Variants in GALNT10 observed in about 807,000 individuals in gnomAD.
GALNT10 encodes the protein polypeptide N-acetylgalactosaminyltransferase 10.
A neutral mutation model predicts 75.0 loss-of-function variants in GALNT10; 41 were observed. The ratio of observed to expected loss-of-function variants is 0.55; its 90% confidence interval spans 0.43 to 0.71. GALNT10 has a LOEUF of 0.71. Among genes scored for constraint, GALNT10 ranks in the 30% least tolerant of loss-of-function variants. GALNT10 has a pLI of 0.00. For synonymous variants in GALNT10, 302 were observed against 313.0 expected (o/e 0.96, Z 0.37); for missense variants, 727 against 818.5 (o/e 0.89, Z 1.36).
chr5:154,262,361 G>T (rs1016244133), intron 1 of GALNT10, among the ~76,000 whole-genome samples: 10 of 152,186 alleles, frequency 6.6e-5, no homozygotes, highest in Admixed American at 6.5e-5. Flanking sequence ...AGAAGCTGTA[G>T]AGTATTTAAT....
intron 1 of GALNT10, among the ~76,000 whole-genome samples, chr5:154,293,386 TG>T (rs1325571062): frequency 1.3e-5 from 2 of 152,158 alleles, no homozygotes; most frequent in African/African-American, 4.8e-5. Context: ...CAGCATTACC[TG>T]GGGAAGGCTC....
rs1192106045 is a variant in GALNT10, at chr5:154,219,836, T to TCA, written c.159+28812_159+28813insAC. Among the ~76,000 whole-genome samples, 294 of 134,286 alleles carry TCA rather than the reference T, an allele frequency of 2.2e-3. 1 individual carries two copies. The highest frequency in any genetic ancestry group is 6.4e-3 in the African/African-American group (216 of 33,746). 88.1% of individuals were successfully genotyped at this position (134,286 alleles called of 152,430 possible). Reference sequence around the variant, plus strand: ...CGCTCTCTCTCTCTCTCTCTCTCTCTCTCACACACACACACACACACACAC... The same window carrying TCA: ...CGCTCTCTCTCTCTCTCTCTCTCTCTCACTCACACACACACACACACACACAC... On this transcript the variant is annotated intron_variant, in intron 1 of 11. Transcript: ENST00000297107.
chr5:154,405,115 C>T (rs938433114), intron 8 of GALNT10, among the ~76,000 whole-genome samples: 1 of 152,188 alleles, frequency 6.6e-6, no homozygotes, highest in Non-Finnish European at 1.5e-5. Context: ...CCTGTGAGCC[C>T]CGCCCCGGCC....
chr5:154,309,199 T>A (rs1041705711), intron 3 of GALNT10, among the ~76,000 whole-genome samples: 1 of 152,128 alleles, frequency 6.6e-6, no homozygotes, highest in South Asian at 2.1e-4. Context: ...GGAAGAGCAC[T>A]GCAGGCAGAG....
chr5:154,297,829 C>A, intron 2 of GALNT10, 112 bp from the exon 3 acceptor site: 1 of 973,098 alleles, frequency 1.0e-6, no homozygotes, highest in Non-Finnish European at 1.6e-6. Flanking sequence ...TGCTCTATAT[C>A]CAAATCAAGT....
chr5:154,408,219 C>T (rs1247913578), intron 8 of GALNT10, among the ~76,000 whole-genome samples: 1 of 152,140 alleles, frequency 6.6e-6, no homozygotes, highest in Non-Finnish European at 1.5e-5. Context: ...TTATAGAAGA[C>T]ATTTAAACAT....
intron 1 of GALNT10, among the ~76,000 whole-genome samples, chr5:154,239,237 G>C (rs969235042): frequency 9.9e-5 from 15 of 152,184 alleles, no homozygotes; most frequent in African/African-American, 3.6e-4. Flanking sequence ...GGAGTCCTCT[G>C]CTGCCACTGA....
rs1187307461 is a variant in GALNT10, at chr5:154,402,301, C to G, written c.1057-1803C>G. Among the ~76,000 whole-genome samples, 2 of 152,222 alleles carry G rather than the reference C, an allele frequency of 1.3e-5. No homozygotes were observed. Among genetic ancestry groups the G allele is most frequent in the African/African-American group, 2.4e-5 (1 of 41,460 alleles). Reference sequence around the variant, plus strand: ...TGATTATGCCAAGCTTGGCCCTGCCCTGGTGCCTTTGCACTTGCTCTTCTC... The same window carrying G: ...TGATTATGCCAAGCTTGGCCCTGCCGTGGTGCCTTTGCACTTGCTCTTCTC... On this transcript the variant is annotated intron_variant, in intron 7 of 11. Coordinates refer to ENST00000297107, the MANE Select transcript of GALNT10 (RefSeq NM_198321.4). This position sits in a 1 kb window ranked among gnomAD's most constrained non-coding sequence, Gnocchi z 4.2.
intron 4 of GALNT10, among the ~76,000 whole-genome samples, chr5:154,369,939 A>C (rs546611564): frequency 2.0e-5 from 3 of 152,230 alleles, no homozygotes; most frequent in Non-Finnish European, 4.4e-5. Context: ...AGCATGGGAC[A>C]GTAGAGCTCT....
chr5:154,218,297 G>A lies in GALNT10; in HGVS notation c.159+27272G>A, dbSNP rs116035611. On this transcript the variant is annotated intron_variant, in intron 1 of 11. Transcript: ENST00000297107. ...TTCTCATTGAATTCTCCAGTTCGCT[G>A]TCTCCAGTGCTGAGGAGAGACATTT... 988 of 212,120 alleles carry A rather than the reference G, an allele frequency of 4.7e-3. 10 individuals are homozygous for A. Among genetic ancestry groups the A allele is most frequent in the African/African-American group, 0.021 (909 of 42,752 alleles). 13.1% of individuals were successfully genotyped at this position (212,120 alleles called of 1,614,324 possible). A position where few individuals can be genotyped will look rare whatever the true frequency, so the allele number is the denominator to read the frequency against.
chr5:154,338,366 G>T, intron 4 of GALNT10: 2 of 458,914 alleles, frequency 4.4e-6, no homozygotes. Flanking sequence ...GAGACCTCAG[G>T]CTCTCATCAG....
intron 1 of GALNT10, among the ~76,000 whole-genome samples, chr5:154,212,006 T>C (rs1295373335): frequency 1.3e-5 from 2 of 152,200 alleles, no homozygotes; most frequent in Non-Finnish European, 2.9e-5. Context: ...ACTCCACTTC[T>C]TGGAGGGAGG....
At chr5:154,205,411 G>A (rs12651766) in intron 1 of GALNT10, among the ~76,000 whole-genome samples, 67,313 of 151,910 alleles carry the variant, frequency 0.44, 15,762 homozygotes, top group East Asian at 0.78. Context: ...TATAAGGGTG[G>A]ACCCCTGCTT....
At chr5:154,213,190 G>A (rs1412646040) in intron 1 of GALNT10, among the ~76,000 whole-genome samples, 1 of 152,178 alleles carries the variant, frequency 6.6e-6, no homozygotes, top group Non-Finnish European at 1.5e-5. Context: ...GTCAAACACA[G>A]CTATGCTCTC....
chr5:154,209,966 A>G (rs1775169593), intron 1 of GALNT10, among the ~76,000 whole-genome samples: 1 of 152,148 alleles, frequency 6.6e-6, no homozygotes, highest in Non-Finnish European at 1.5e-5. Context: ...AAATAGCCTC[A>G]TGTCTATTCA....
chr5:154,294,857 T>C lies in GALNT10; in HGVS notation c.201T>C (p.Asp67=). ...SRQKKTFFLG[D]GQKLKDWHDK... is the part of the protein sequence containing the mutation. ...AAAAGAAAACGTTTTTCTTGGGAGA[T>C]GGGCAGAAGCTGAAGGACTGGCATG... The change falls in exon 2 of 12, where the codon GAT becomes GAC. Residue 67 remains aspartate, a synonymous_variant. Coordinates refer to ENST00000297107, the MANE Select transcript of GALNT10 (RefSeq NM_198321.4). The C allele has an allele frequency of 1.9e-6, 3 of 1,607,606 alleles. No individual in the cohort carries two copies. Among genetic ancestry groups the C allele is most frequent in the Non-Finnish European group, 2.6e-6 (3 of 1,174,120 alleles).
chr5:154,260,788 C>T (rs2434531), intron 1 of GALNT10, among the ~76,000 whole-genome samples: 37,186 of 152,072 alleles, frequency 0.24, 5,526 homozygotes, highest in African/African-American at 0.42. Context: ...TAAGTGAATA[C>T]TATTTAGCTT....
intron 1 of GALNT10, among the ~76,000 whole-genome samples, chr5:154,219,863 CA>C (rs1481938302): frequency 6.6e-6 from 1 of 151,774 alleles, no homozygotes; most frequent in African/African-American, 2.4e-5. Context: ...CACACACACA[CA>C]CACCACAGAG....
intron 6 of GALNT10, among the ~76,000 whole-genome samples, chr5:154,385,075 A>G (rs2113183732): frequency 6.6e-6 from 1 of 152,300 alleles, no homozygotes; most frequent in East Asian, 1.9e-4. Context: ...TGGGTTGACT[A>G]AGAGCTTATT....
Sources: gnomAD v4.1 joint callset for allele counts (sites outside exome capture counted in the v4.1 genomes callset) on GRCh38, gnomAD v4.1.1 for gene constraint, Gnocchi (gnomAD v3.1) non-coding constraint, MANE v1.5 for transcripts, NCBI Gene and HGNC (gene_info 2026-07-23, HGNC 2026-07-21) for gene names.